The following SMYD4 variants were observed in gnomAD, a reference collection of about 807,000 sequenced individuals.
SMYD4 encodes the protein protein-lysine N-methyltransferase SMYD4.
A neutral mutation model predicts 72.8 loss-of-function variants in SMYD4; 68 were observed. The ratio of observed to expected loss-of-function variants is 0.93; its 90% CI spans 0.77 to 1.14. SMYD4 has a LOEUF of 1.14. Among genes scored for constraint, SMYD4 ranks in the 50% most tolerant of loss-of-function variants. The pLI is 0.00. For missense variants in SMYD4, 984 were observed against 1,003.7 expected, an observed-to-expected ratio of 0.98 and a Z score of 0.27; for synonymous variants, 407 against 388.6, an observed-to-expected ratio of 1.05 and a Z score of -0.56.
At chr17:1,829,017 T>A (rs1911370966) in intron 1 of SMYD4, among the ~76,000 whole-genome samples, 1 of 152,146 alleles carries the variant, frequency 6.6e-6, no homozygotes, top group Non-Finnish European at 1.5e-5. Flanking sequence ...GATTAAGTCC[T>A]CACCATCTCG....
At chr17:1,805,839 A>AAT (rs10560052) in intron 3 of SMYD4, among the ~76,000 whole-genome samples, 63 of 148,206 alleles carry the variant, frequency 4.3e-4, no homozygotes, top group Middle Eastern at 3.6e-3. Context: ...ATAAAATAAT[A>AAT]ATATATATAT....
intron 3 of SMYD4, among the ~76,000 whole-genome samples, chr17:1,808,207 G>A (rs1339308059): frequency 6.6e-6 from 1 of 152,132 alleles, no homozygotes; most frequent in East Asian, 1.9e-4. Context: ...GCAGTATTAT[G>A]ATCCCGAACA....
intron 2 of SMYD4, among the ~76,000 whole-genome samples, chr17:1,815,802 C>T (rs1043652635): frequency 1.3e-5 from 2 of 151,388 alleles, no homozygotes; most frequent in Non-Finnish European, 2.9e-5. Context: ...CGGGTTCAAG[C>T]GATTCTCCTG....
At position 1,783,378 on chromosome 17, in the gene SMYD4, G is replaced by A. The variant is rs746682269; in HGVS notation, c.2119C>T (p.Arg707Trp). Residue 707 changes from arginine to tryptophan, a missense_variant, in exon 9 of 11, where the codon CGG becomes TGG. By Grantham distance (101) the Arg-to-Trp change is moderately radical (BLOSUM62 -3). Coordinates refer to ENST00000305513, the MANE Select transcript of SMYD4 (RefSeq NM_052928.3). ...GCTGTACCTAAGGCAGCACAGGCCCGGGCCAGGCCATCCGCGATCTCTCCC... is the reference window on the plus strand; with the variant it reads ...GCTGTACCTAAGGCAGCACAGGCCCAGGCCAGGCCATCCGCGATCTCTCCC... The part of the protein sequence containing the change: ...VVGEIADGLA[R>W]ACAALGDWQK... The A allele has an allele frequency of 6.8e-6, 11 of 1,612,280 alleles. No homozygotes were observed. The highest frequency in any genetic ancestry group is 2.1e-4 in the Middle Eastern group (1 of 4,826).
At chr17:1,803,248 C>A (rs973812205) in intron 4 of SMYD4, among the ~76,000 whole-genome samples, 2 of 152,204 alleles carry the variant, frequency 1.3e-5, no homozygotes, top group Non-Finnish European at 2.9e-5. Context: ...AGAAAGCTGA[C>A]CTCACAGGCA....
At chr17:1,819,660 A>AT (rs1389392981) in intron 2 of SMYD4, among the ~76,000 whole-genome samples, 2 of 152,090 alleles carry the variant, frequency 1.3e-5, no homozygotes, top group Non-Finnish European at 2.9e-5. Flanking sequence ...CAAAATGGCG[A>AT]TTTTTCTAAT....
chr17:1,798,553 A>G (rs1909528314), intron 5 of SMYD4, among the ~76,000 whole-genome samples: 1 of 151,466 alleles, frequency 6.6e-6, no homozygotes, highest in South Asian at 2.1e-4. Context: ...GCTTGAGCCC[A>G]GGAGTTCAAG....
intron 3 of SMYD4, among the ~76,000 whole-genome samples, chr17:1,811,390 C>G (rs184265389): frequency 7.9e-5 from 12 of 152,274 alleles, no homozygotes; most frequent in African/African-American, 2.6e-4. Context: ...CCTATATTGT[C>G]CAGGCTGGTC....
rs373170409 is a variant in SMYD4, at chr17:1,813,228, T to G, written c.135-1113A>C. Among the ~76,000 whole-genome samples the G allele has an allele frequency of 7.2e-5, 11 of 152,316 alleles. No individual in the cohort carries two copies. In the East Asian group the frequency reaches 1.5e-3, roughly 21 times the overall value. ...TGTTGGGATTACAGGCATGTGCTAC[T>G]GGGCCCAGCCAGGATCTTGAGTCTG... is the stretch of plus-strand genomic sequence containing the variant. On this transcript the variant is annotated intron_variant, in intron 2 of 10. Coordinates refer to ENST00000305513, the MANE Select transcript of SMYD4 (RefSeq NM_052928.3).
At position 1,800,714 on chromosome 17, in the gene SMYD4, T is replaced by C. The variant is rs9904065; in HGVS notation, c.680A>G (p.Gln227Arg). The change falls in exon 5 of 11, where the codon CAA becomes CGA. Residue 227 changes from glutamine (Q) to arginine (R), a missense_variant. Coordinates refer to ENST00000305513, the MANE Select transcript of SMYD4 (RefSeq NM_052928.3). The part of the protein sequence containing the change: ...EDAALREENE[Q>R]LSNASSSIGL... ...GATGGATGATGAGGCATTGGAAAGT[T>C]GTTCATTCTCCTCCCTCAGCGCTGC... 442 of 1,614,206 alleles carry C rather than the reference T, an allele frequency of 2.7e-4. No individual in the cohort carries two copies. In the African/African-American group the frequency reaches 5.1e-3, roughly 19 times the overall value.
chr17:1,804,840 G>C lies in SMYD4; in HGVS notation c.280-125C>G, dbSNP rs1909954845. On this transcript the variant is annotated intron_variant, in intron 3 of 10. Transcript: ENST00000305513. ...ACTGGGAAAGTTACTGAACCTCTTT[G>C]TGCTTCAGCTTATCTTTTAACTACC... is the stretch of plus-strand genomic sequence containing the variant. 3.5e-6 allele frequency: 3 copies of C among 862,118 alleles called. No homozygotes were observed. In the Admixed American group the frequency reaches 6.8e-5, roughly 19 times the overall value. The allele number at this position is 862,118 out of a possible 1,614,324, so 53.4% of individuals were successfully genotyped here.
intron 7 of SMYD4, among the ~76,000 whole-genome samples, chr17:1,784,977 C>T (rs1306673298): frequency 5.4e-5 from 8 of 149,086 alleles, no homozygotes; most frequent in African/African-American, 2.0e-4. Context: ...TTAGTAGAGA[C>T]GGGGTTTCAC....
At chr17:1,810,511 G>A (rs1280638514) in intron 3 of SMYD4, among the ~76,000 whole-genome samples, 1 of 152,062 alleles carries the variant, frequency 6.6e-6, no homozygotes, top group Non-Finnish European at 1.5e-5. Context: ...TGGAACTCCC[G>A]GGCTCAGTGA....
chr17:1,798,671 G>C (rs758759309), intron 5 of SMYD4, among the ~76,000 whole-genome samples: 1 of 152,088 alleles, frequency 6.6e-6, no homozygotes, highest in African/African-American at 2.4e-5. Flanking sequence ...GCCAAAGCAG[G>C]TGGATCACCT....
intron 3 of SMYD4, among the ~76,000 whole-genome samples, chr17:1,809,395 G>C (rs1370482508): frequency 2.0e-5 from 3 of 150,638 alleles, no homozygotes; most frequent in East Asian, 3.9e-4. Flanking sequence ...TTTTTTTTGA[G>C]ACAGAGTCTT....
chr17:1,824,651 G>A (rs1911067784), intron 2 of SMYD4, among the ~76,000 whole-genome samples: 1 of 151,986 alleles, frequency 6.6e-6, no homozygotes, highest in South Asian at 2.1e-4. Flanking sequence ...ATGGAGTCTT[G>A]CTCTGTTGCC....
At chr17:1,785,515 GGT>G (rs994584443) in intron 7 of SMYD4, among the ~76,000 whole-genome samples, 6 of 151,928 alleles carry the variant, frequency 3.9e-5, no homozygotes, top group African/African-American at 1.4e-4. Flanking sequence ...CGCTTTGGGT[GGT>G]CGAGGCAGGT....
chr17:1,788,863 G>A (rs1294812636), intron 5 of SMYD4, among the ~76,000 whole-genome samples: 1 of 152,144 alleles, frequency 6.6e-6, no homozygotes, highest in Non-Finnish European at 1.5e-5. Flanking sequence ...TTTTCTCAAA[G>A]CCATCTGTCC....
At chr17:1,814,968 A>G (rs930796780) in intron 2 of SMYD4, among the ~76,000 whole-genome samples, 10 of 152,224 alleles carry the variant, frequency 6.6e-5, no homozygotes, top group Non-Finnish European at 1.0e-4. Context: ...AAATTAGGTT[A>G]AACCTAAAAA....
Sources: gnomAD v4.1 joint callset for allele counts (sites outside exome capture counted in the v4.1 genomes callset) on GRCh38, gnomAD v4.1.1 for gene constraint, MANE v1.5 for transcripts, NCBI Gene and HGNC (gene_info 2026-07-23, HGNC 2026-07-21) for gene names.